The following RASA1 variants were observed in gnomAD, a reference collection of about 807,000 sequenced individuals.
RASA1 encodes RAS p21 protein activator 1, also known as ras GTPase-activating protein 1.
RASA1 carries 25 observed loss-of-function variants against 132.2 expected under a neutral mutation model. That is an observed-to-expected ratio of 0.19 (90% CI 0.14 to 0.26). The LOEUF (loss-of-function observed/expected upper bound fraction) is 0.26. RASA1 is among the 10% of genes least tolerant of loss of function. The probability of loss-of-function intolerance (pLI) is 1.00; values close to 1 mark genes in which losing one functional copy is unlikely to be tolerated. For synonymous variants in RASA1, 477 were observed against 449.9 expected, an observed-to-expected ratio of 1.06 and a Z score of -0.76; for missense variants, 964 against 1,299.2, an observed-to-expected ratio of 0.74 and a Z score of 3.97.
intron 8 of RASA1, among the ~76,000 whole-genome samples, chr5:87,351,387 A>G (rs1759263397): frequency 1.3e-5 from 2 of 151,786 alleles, no homozygotes; most frequent in South Asian, 2.1e-4. Flanking sequence ...ATATAAATGC[A>G]TGGGAATCAA....
At chr5:87,358,900 C>A (rs1190270386) in intron 9 of RASA1, among the ~76,000 whole-genome samples, 5 of 152,170 alleles carry the variant, frequency 3.3e-5, no homozygotes, top group African/African-American at 1.2e-4. Flanking sequence ...CCACTAGCCT[C>A]ACTCTTACAT....
In RASA1 at chr5:87,311,289, C is replaced by T. The variant is rs544077070; in HGVS notation, c.540-20059C>T. 9.9e-5 allele frequency among the ~76,000 whole-genome samples: 15 copies of T among 152,084 alleles called. No individual in the cohort carries two copies. The South Asian group carries it at 1.7e-3, about 17-fold the overall frequency. On this transcript the variant is annotated intron_variant, in intron 1 of 24. Coordinates refer to ENST00000274376, the MANE Select transcript of RASA1 (RefSeq NM_002890.3). ...ACTGGCAGTATCTGGTGCTTTCAGG[C>T]GATATTTAAATTTTCAAGCAAAAAT...
chr5:87,321,679 C>T (rs562487819), intron 1 of RASA1, among the ~76,000 whole-genome samples: 9 of 152,246 alleles, frequency 5.9e-5, no homozygotes, highest in Non-Finnish European at 1.0e-4. Context: ...GCCTCTGTTT[C>T]CGTGGAGTTA....
intron 8 of RASA1, 94 bp from the exon 9 acceptor site, chr5:87,353,063 A>C: frequency 1.1e-6 from 1 of 952,082 alleles, no homozygotes; most frequent in Non-Finnish European, 1.6e-6. Context: ...AAATTTGCTA[A>C]TTAGATAATC....
intron 24 of RASA1, among the ~76,000 whole-genome samples, chr5:87,389,735 C>T (rs924980229): frequency 2.0e-5 from 3 of 152,174 alleles, no homozygotes; most frequent in African/African-American, 4.8e-5. Context: ...TCAGGTTTTG[C>T]TCTTGAGTCT....
At chr5:87,313,372 C>A (rs757360157) in intron 1 of RASA1, among the ~76,000 whole-genome samples, 15 of 152,044 alleles carry the variant, frequency 9.9e-5, no homozygotes, top group Non-Finnish European at 2.1e-4. Context: ...AGTTTGGAAG[C>A]CGGGCTTTAC....
intron 20 of RASA1, among the ~76,000 whole-genome samples, chr5:87,381,537 G>A (rs1028863455): frequency 6.6e-6 from 1 of 152,168 alleles, no homozygotes; most frequent in South Asian, 2.1e-4. Flanking sequence ...TTGAAAATGT[G>A]TTAATCCTGC....
At chr5:87,349,795 C>T (rs767443452) in intron 8 of RASA1, among the ~76,000 whole-genome samples, 2 of 151,878 alleles carry the variant, frequency 1.3e-5, no homozygotes, top group Admixed American at 6.6e-5. Context: ...CTCAAGTTGA[C>T]ATTTCTTACA....
chr5:87,377,697 T>G (rs1440325714), intron 17 of RASA1, among the ~76,000 whole-genome samples: 1 of 152,090 alleles, frequency 6.6e-6, no homozygotes. Context: ...AGATAGGTAG[T>G]TCCCAAGCTG....
intron 20 of RASA1, among the ~76,000 whole-genome samples, chr5:87,380,989 T>C (rs1161360572): frequency 1.3e-5 from 2 of 152,232 alleles, no homozygotes; most frequent in East Asian, 3.8e-4. Flanking sequence ...TCTGTGACTC[T>C]GAGCTAATCA....
intron 5 of RASA1, among the ~76,000 whole-genome samples, chr5:87,338,536 A>ATATTTTTTTTTT: frequency 1.3e-4 from 11 of 85,220 alleles, no homozygotes; most frequent in African/African-American, 4.9e-4. Flanking sequence ...TATATATAAA[A>ATATTTTTTTTTT]TTTTTTTTTT....
intron 21 of RASA1, among the ~76,000 whole-genome samples, 173 bp downstream of exon 21, chr5:87,383,953 TTTTCTTTTTG>T (rs2112509663): frequency 6.6e-6 from 1 of 152,186 alleles, no homozygotes; most frequent in South Asian, 2.1e-4. Flanking sequence ...TCTTGGGCTT[TTTTCTTTTTG>T]TTTCTTTTCT....
At position 87,389,537 on chromosome 5, in the gene RASA1, C is replaced by G. The variant is rs768479962; in HGVS notation, c.3060+10C>G. On this transcript the variant is annotated intron_variant, in intron 24 of 24. Coordinates refer to ENST00000274376, the MANE Select transcript of RASA1 (RefSeq NM_002890.3). ...GCGTGGTGCACAGCAGGTAGGCTTT[C>G]GCCAGCCTTCATTAACAATGATGTT... The G allele has an allele frequency of 1.4e-5, 23 of 1,613,406 alleles. No homozygotes were observed. Among genetic ancestry groups the G allele is most frequent in the Admixed American group, 3.3e-5 (2 of 59,986 alleles).
chr5:87,374,033 C>T, intron 13 of RASA1, 130 bp from the exon 14 acceptor site: 1 of 775,790 alleles, frequency 1.3e-6, no homozygotes, highest in Non-Finnish European at 1.7e-6. Context: ...CCAAAGCTCA[C>T]ATTTTCTGAA....
intron 1 of RASA1, among the ~76,000 whole-genome samples, chr5:87,300,082 G>A (rs967020725): frequency 2.6e-5 from 4 of 152,132 alleles, no homozygotes; most frequent in Admixed American, 1.3e-4. Context: ...AGAGTTAAGC[G>A]GAGGGCTGGG....
intron 9 of RASA1, among the ~76,000 whole-genome samples, chr5:87,356,026 G>A (rs1350881505): frequency 2.6e-5 from 4 of 152,276 alleles, no homozygotes; most frequent in Non-Finnish European, 5.9e-5. Flanking sequence ...AAAGAAAGTG[G>A]TCTCTTGAGA....
At chr5:87,276,720 A>G (rs1482861153) in intron 1 of RASA1, among the ~76,000 whole-genome samples, 1 of 152,200 alleles carries the variant, frequency 6.6e-6, no homozygotes, top group Non-Finnish European at 1.5e-5. Flanking sequence ...CTTGAAGGAA[A>G]TTTCAGTATC....
At chr5:87,377,228 A>G (rs904014938) in intron 17 of RASA1, 188 bp downstream of exon 17, 4 of 714,960 alleles carry the variant, frequency 5.6e-6, no homozygotes, top group Non-Finnish European at 9.2e-6. Flanking sequence ...TGGGAAGCTG[A>G]TATTTCTAAT....
chr5:87,341,431 C>T, intron 6 of RASA1, 110 bp downstream of exon 6: 1 of 609,910 alleles, frequency 1.6e-6, no homozygotes, highest in Non-Finnish European at 2.4e-6. Flanking sequence ...ACTGACTTAA[C>T]TTTTAAATTT....
Sources: gnomAD v4.1 joint callset for allele counts (sites outside exome capture counted in the v4.1 genomes callset) on GRCh38, gnomAD v4.1.1 for gene constraint, MANE v1.5 for transcripts, NCBI Gene and HGNC (gene_info 2026-07-23, HGNC 2026-07-21) for gene names.